The following VPS4A variants were observed in gnomAD, a reference collection of about 807,000 sequenced individuals.
VPS4A encodes vacuolar protein sorting 4 homolog A.
VPS4A carries 20 observed loss-of-function variants against 52.3 expected under a neutral mutation model. The observed-to-expected ratio is 0.38, with a 90% CI of 0.27 to 0.56. VPS4A has a LOEUF of 0.56. Ranked by LOEUF, VPS4A falls within the 20% of genes least tolerant of loss-of-function variation. The pLI is 0.72. For synonymous variants in VPS4A, 293 were observed against 227.7 expected, an observed-to-expected ratio of 1.29 and a Z score of -2.58; for missense variants, 419 against 575.9, an observed-to-expected ratio of 0.73 and a Z score of 2.79.
intron 1 of VPS4A, among the ~76,000 whole-genome samples, chr16:69,314,300 C>T (rs1193125908): frequency 6.6e-6 from 1 of 152,018 alleles, no homozygotes; most frequent in Non-Finnish European, 1.5e-5. Context: ...CTAGAATTTC[C>T]AAAAGGAGGG....
intron 1 of VPS4A, among the ~76,000 whole-genome samples, chr16:69,314,748 G>A (rs1965415262): frequency 6.6e-6 from 1 of 152,050 alleles, no homozygotes; most frequent in Non-Finnish European, 1.5e-5. Context: ...AGATAAGAGA[G>A]GGCTGAACAA....
In VPS4A at chr16:69,320,447, G is replaced by C; in HGVS notation, c.769+158G>C. 3.6e-6 allele frequency: 4 copies of C among 1,101,156 alleles called. 1 individual carries two copies. The highest frequency in any genetic ancestry group is 5.1e-6 in the Non-Finnish European group (4 of 782,398). 68.2% of individuals were successfully genotyped at this position (1,101,156 alleles called of 1,614,324 possible). On this transcript the variant is annotated intron_variant, in intron 7 of 10. Transcript: ENST00000254950. This position sits in a 1 kb window ranked among gnomAD's most constrained non-coding sequence, Gnocchi z 4.2. ...CACGGGTGGACTTCAATTCCCAAGA[G>C]GTGCCTGAGGCCTCTGCCTCACGGG...
Position 69,323,818 on chromosome 16 carries a change from C to A in VPS4A, c.1213-390C>A, listed in dbSNP as rs1324449002. 1.1e-5 allele frequency: 4 copies of A among 374,602 alleles called. No homozygotes were observed. The East Asian group carries it at 2.9e-4, about 27-fold the overall frequency. The allele number at this position is 374,602 out of a possible 1,614,324, so 23.2% of individuals were successfully genotyped here. Reference sequence around the variant, plus strand: ...TACAAAAATCAGCCATGTGTGGTGGCACGTGCCTGTAGTCCCAGCTATTTG... The same window carrying A: ...TACAAAAATCAGCCATGTGTGGTGGAACGTGCCTGTAGTCCCAGCTATTTG... On this transcript the variant is annotated intron_variant, in intron 10 of 10. Coordinates refer to ENST00000254950, the MANE Select transcript of VPS4A (RefSeq NM_013245.3).
Position 69,324,228 on chromosome 16 carries a change from G to A in VPS4A, c.1233G>A (p.Leu411=), listed in dbSNP as rs767187205. The A allele has an allele frequency of 6.2e-7, 1 of 1,613,712 alleles. No individual in the cohort carries two copies. Among genetic ancestry groups the A allele is most frequent in the South Asian group, 1.1e-5 (1 of 90,960 alleles). Reference sequence around the variant, plus strand: ...CACAGTCGGACATGCTGCGGTCTCTGGCCACCACCCGGCCCACGGTGAATG... The same window carrying A: ...CACAGTCGGACATGCTGCGGTCTCTAGCCACCACCCGGCCCACGGTGAATG... ...VVCMSDMLRS[L]ATTRPTVNAD... Residue 411 remains leucine (L), a synonymous_variant, in exon 11 of 11, where the codon CTG becomes CTA. Transcript: ENST00000254950.
Position 69,324,398 on chromosome 16 carries a change from A to C in VPS4A, c.*89A>C. ...CATGTCAACAGCCAGACAGGGCTCCAGGGCTTGTCCCAGTCAATACAGAGT... is the reference window on the plus strand; with the variant it reads ...CATGTCAACAGCCAGACAGGGCTCCCGGGCTTGTCCCAGTCAATACAGAGT... On this transcript the variant is annotated 3_prime_UTR_variant, in exon 11 of 11. Transcript: ENST00000254950. 1.5e-6 allele frequency: 2 copies of C among 1,357,830 alleles called. No homozygotes were observed. Among genetic ancestry groups the C allele is most frequent in the Non-Finnish European group, 2.1e-6 (2 of 969,808 alleles). 84.1% of individuals were successfully genotyped at this position (1,357,830 alleles called of 1,614,324 possible). A position where few individuals can be genotyped will look rare whatever the true frequency, so the allele number is the denominator to read the frequency against.
At position 69,324,800 on chromosome 16, in the gene VPS4A, C is replaced by T. The variant is rs569484364; in HGVS notation, c.*491C>T. ...AGCAGATTGGCTGATGCCCCTGCAACCCCAGCCCAAGCTCTGCCTCAAAGA... is the reference window on the plus strand; with the variant it reads ...AGCAGATTGGCTGATGCCCCTGCAATCCCAGCCCAAGCTCTGCCTCAAAGA... On this transcript the variant is annotated 3_prime_UTR_variant, in exon 11 of 11. Transcript: ENST00000254950. 8.7e-5 allele frequency: 16 copies of T among 183,046 alleles called. No individual in the cohort carries two copies. Among genetic ancestry groups the T allele is most frequent in the Non-Finnish European group, 1.2e-5 (1 of 85,178 alleles). 11.3% of individuals were successfully genotyped at this position (183,046 alleles called of 1,614,324 possible).
rs969020121 is a variant in VPS4A, at chr16:69,320,609, C to T, written c.770-79C>T. 1.6e-6 allele frequency: 2 copies of T among 1,265,924 alleles called. No homozygotes were observed. Among genetic ancestry groups the T allele is most frequent in the Middle Eastern group, 1.9e-4 (1 of 5,194 alleles). 78.4% of individuals were successfully genotyped at this position (1,265,924 alleles called of 1,614,324 possible). A position where few individuals can be genotyped will look rare whatever the true frequency, so the allele number is the denominator to read the frequency against. ...TGGCTTCAATTGCTGACACACAAAG[C>T]CCCCGGGGTCTGTCCCCAGGTTTCA... is the stretch of plus-strand genomic sequence containing the variant. On this transcript the variant is annotated intron_variant, in intron 7 of 10. Transcript: ENST00000254950. This position sits in a 1 kb window ranked among gnomAD's most constrained non-coding sequence, Gnocchi z 4.2.
intron 9 of VPS4A, chr16:69,322,170 G>A (rs1467075962): frequency 6.0e-6 from 1 of 167,538 alleles, no homozygotes; most frequent in Non-Finnish European, 1.3e-5. Context: ...CACGAGAATA[G>A]CACGGGAAAG....
chr16:69,321,094 C>T lies in VPS4A; in HGVS notation c.895C>T (p.Arg299Cys). Residue 299 changes from arginine (R) to cysteine (C), a missense_variant, in exon 9 of 11, where the codon CGC (arginine) becomes TGC (cysteine). Around this residue, in one of 3 missense-constraint regions of VPS4A, gnomAD observed 185 missense variants for 200.2 expected, o/e 0.92. Transcript: ENST00000254950. The surrounding 1 kb of genome is among the most constrained non-coding windows in gnomAD (Gnocchi z 4.5). The stretch of plus-strand genomic sequence containing the variant: ...TATCCCCTTGCCGGAGGAAGCTGCC[C>T]GCGCCCAGATGTTCCGGTTGCATCT... ...IYIPLPEEAA[R>C]AQMFRLHLGS... The T allele has an allele frequency of 1.3e-6, 2 of 1,596,626 alleles. No homozygotes were observed. The highest frequency in any genetic ancestry group is 1.7e-6 in the Non-Finnish European group (2 of 1,171,746).
At chr16:69,317,953 C>CA (rs35907075) in intron 3 of VPS4A, among the ~76,000 whole-genome samples, 4,597 of 45,042 alleles carry the variant, frequency 0.1, 213 homozygotes, top group African/African-American at 0.13. Flanking sequence ...GGCACCATCT[C>CA]AAAAAAAAAA....
Position 69,324,362 on chromosome 16 carries a change from C to T in VPS4A, c.*53C>T, listed in dbSNP as rs1337789225. On this transcript the variant is annotated 3_prime_UTR_variant, in exon 11 of 11. Coordinates refer to ENST00000254950, the MANE Select transcript of VPS4A (RefSeq NM_013245.3). ...GGTGGGAGGTTGATTGGGGCAAATC[C>T]AGGCACTCCCCATGTCAACAGCCAG... 1.9e-6 allele frequency: 3 copies of T among 1,553,998 alleles called. No individual in the cohort carries two copies. Among genetic ancestry groups the T allele is most frequent in the Admixed American group, 1.8e-5 (1 of 56,352 alleles).
chr16:69,318,957 A>G lies in VPS4A; in HGVS notation c.463+15A>G. The G allele has an allele frequency of 6.2e-7, 1 of 1,608,478 alleles. No individual in the cohort carries two copies. Among genetic ancestry groups the G allele is most frequent in the Non-Finnish European group, 8.5e-7 (1 of 1,177,594 alleles). The stretch of plus-strand genomic sequence containing the variant: ...CTTGTTCACAGGTGAGAGTTGAGCC[A>G]TTTCAAACCCCAATGTAAAAATTCC... On this transcript the variant is annotated intron_variant, in intron 5 of 10. Coordinates refer to ENST00000254950, the MANE Select transcript of VPS4A (RefSeq NM_013245.3).
intron 3 of VPS4A, among the ~76,000 whole-genome samples, chr16:69,317,405 C>G (rs543963241): frequency 5.9e-4 from 90 of 152,294 alleles, no homozygotes; most frequent in African/African-American, 2.1e-3. Context: ...CACCTGTAAT[C>G]CCAGCACTTT....
rs1965434890 is a variant in VPS4A, at chr16:69,316,232, C to A, written c.141C>A (p.Ala47=). 1.2e-6 allele frequency: 2 copies of A among 1,613,370 alleles called. No individual in the cohort carries two copies. Among genetic ancestry groups the A allele is most frequent in the Non-Finnish European group, 1.7e-6 (2 of 1,179,846 alleles). Residue 47 remains alanine, a synonymous_variant, in exon 3 of 11, where the codon GCC becomes GCA. Transcript: ENST00000254950. ...EYFLHAIKYE[A]HSDKAKESIR... The stretch of plus-strand genomic sequence containing the variant: ...CTGTGTTCCCTTTCACAGATGAGGC[C>A]CACAGCGACAAGGCCAAGGAGAGCA...
At position 69,324,422 on chromosome 16, in the gene VPS4A, G is replaced by A. The variant is rs540629320; in HGVS notation, c.*113G>A. Reference sequence around the variant, plus strand: ...CAGGGCTTGTCCCAGTCAATACAGAGTTCCCTCTGCTGTCTGGCCGTCTGC... The same window carrying A: ...CAGGGCTTGTCCCAGTCAATACAGAATTCCCTCTGCTGTCTGGCCGTCTGC... On this transcript the variant is annotated 3_prime_UTR_variant, in exon 11 of 11. Coordinates refer to ENST00000254950, the MANE Select transcript of VPS4A (RefSeq NM_013245.3). 150 of 1,170,130 alleles carry A rather than the reference G, an allele frequency of 1.3e-4. No homozygotes were observed. The highest frequency in any genetic ancestry group is 1.6e-4 in the Non-Finnish European group (133 of 811,642). 72.5% of individuals were successfully genotyped at this position (1,170,130 alleles called of 1,614,324 possible).
chr16:69,323,694 A>C (rs1965543089), intron 10 of VPS4A: 1 of 455,016 alleles, frequency 2.2e-6, no homozygotes, highest in Non-Finnish European at 4.4e-6. Context: ...TCCCGCCTGT[A>C]ATCCCAGCAC....
At chr16:69,319,861 A>G (rs1385756328) in intron 6 of VPS4A, among the ~76,000 whole-genome samples, 51 of 152,270 alleles carry the variant, frequency 3.3e-4, no homozygotes, top group Non-Finnish European at 8.8e-5. Flanking sequence ...TTTGCGTGTG[A>G]TGAGACGGGC....
At chr16:69,316,428 A>G (rs1220720624) in intron 3 of VPS4A, 56 bp downstream of exon 3, 3 of 1,595,176 alleles carry the variant, frequency 1.9e-6, no homozygotes, top group Non-Finnish European at 2.6e-6. Context: ...GCTCCCTATC[A>G]TTCCTGGCGC....
In VPS4A at chr16:69,324,572, C is replaced by T. The variant is rs11548445; in HGVS notation, c.*263C>T. The T allele has an allele frequency of 2.1e-5, 9 of 434,472 alleles. No individual in the cohort carries two copies. Among genetic ancestry groups the T allele is most frequent in the Admixed American group, 1.3e-4 (4 of 29,650 alleles). The allele number at this position is 434,472 out of a possible 1,614,324, so 26.9% of individuals were successfully genotyped here. On this transcript the variant is annotated 3_prime_UTR_variant, in exon 11 of 11. Transcript: ENST00000254950. ...CTCATCAGCTCCTTCTGCCTCCCCC[C>T]CTTTTTTTTCCATCTTTTGTTCCCC...
Sources: allele counts gnomAD v4.1 joint callset (sites outside exome capture counted in the v4.1 genomes callset), GRCh38; gene constraint gnomAD v4.1.1; regional missense constraint gnomAD v4.1.1; non-coding constraint Gnocchi (gnomAD v3.1); transcripts MANE v1.5; gene names NCBI Gene and HGNC (gene_info 2026-07-23, HGNC 2026-07-21).